Variants in PRKAR1B observed in about 807,000 individuals in gnomAD.
The protein encoded by PRKAR1B is cAMP-dependent protein kinase type I-beta regulatory subunit.
A neutral mutation model predicts 46.5 loss-of-function variants in PRKAR1B; 22 were observed. That is an observed-to-expected ratio of 0.47 (90% CI 0.34 to 0.68). The LOEUF (loss-of-function observed/expected upper bound fraction) is 0.68, where lower values mean the gene tolerates loss of function less well. PRKAR1B is among the 30% of genes least tolerant of loss of function. PRKAR1B has a pLI of 0.01. For synonymous variants in PRKAR1B, 259 were observed against 217.7 expected, an observed-to-expected ratio of 1.19 and a Z score of -1.67; for missense variants, 445 against 535.6, an observed-to-expected ratio of 0.83 and a Z score of 1.67.
chr7:568,593 A>G (rs1367579922), intron 9 of PRKAR1B, among the ~76,000 whole-genome samples: 1 of 152,104 alleles, frequency 6.6e-6, no homozygotes, highest in Non-Finnish European at 1.5e-5. Flanking sequence ...CACCCCCCAC[A>G]AGGGAGGGAA....
intron 4 of PRKAR1B, among the ~76,000 whole-genome samples, chr7:669,786 T>C (rs940192763): frequency 1.3e-5 from 2 of 150,524 alleles, no homozygotes; most frequent in Non-Finnish European, 3.0e-5. Flanking sequence ...AAGGTTAAAA[T>C]TGCAAACTTT....
intron 2 of PRKAR1B, among the ~76,000 whole-genome samples, chr7:692,162 G>A (rs904591553): frequency 2.0e-5 from 3 of 152,240 alleles, no homozygotes; most frequent in South Asian, 2.1e-4. Context: ...CACTTTGGGA[G>A]GCCAAGGCAG....
At chr7:596,373 A>AG in intron 6 of PRKAR1B, 69 bp from the exon 7 acceptor site, 1 of 1,539,634 alleles carries the variant, frequency 6.5e-7, no homozygotes, top group African/African-American at 1.4e-5. Flanking sequence ...TCCCATACAG[A>AG]AAGTCCCCCT....
In PRKAR1B at chr7:667,830, GA is replaced by G. The variant is rs1384787268; in HGVS notation, c.440+9398del. On this transcript the variant is annotated intron_variant, in intron 4 of 10. Transcript: ENST00000537384. The surrounding 1 kb of genome is among the most constrained non-coding windows in gnomAD (Gnocchi z 4.3). ...CACAGATCCTGTGCAAAGGCCCAGGGAAACCCTTCGATCAAGGCCAACTAGC... is the reference window on the plus strand; with the variant it reads ...CACAGATCCTGTGCAAAGGCCCAGGGAACCCTTCGATCAAGGCCAACTAGC... Among the ~76,000 whole-genome samples the G allele has an allele frequency of 6.6e-5, 10 of 152,152 alleles. No individual in the cohort carries two copies. In the East Asian group the frequency reaches 1.9e-3, roughly 29 times the overall value.
intron 4 of PRKAR1B, among the ~76,000 whole-genome samples, chr7:650,733 A>C (rs1316402843): frequency 6.6e-6 from 1 of 152,180 alleles, no homozygotes; most frequent in East Asian, 1.9e-4. Flanking sequence ...CAGAGAGGTC[A>C]TGTCATTTGC....
chr7:668,072 T>C (rs547606359), intron 4 of PRKAR1B, among the ~76,000 whole-genome samples: 1 of 152,298 alleles, frequency 6.6e-6, no homozygotes, highest in East Asian at 1.9e-4. Flanking sequence ...GGGATATCTG[T>C]CTTGAACCTG....
intron 7 of PRKAR1B, among the ~76,000 whole-genome samples, chr7:594,839 G>A (rs1476772493): frequency 6.6e-6 from 1 of 152,064 alleles, no homozygotes; most frequent in Non-Finnish European, 1.5e-5. Flanking sequence ...ACCATGAGGA[G>A]TCCCCCCCAG....
chr7:631,041 C>T (rs1247253112), intron 4 of PRKAR1B, among the ~76,000 whole-genome samples: 1 of 151,902 alleles, frequency 6.6e-6, no homozygotes, highest in Admixed American at 6.6e-5. Flanking sequence ...CAACCTCCAC[C>T]TCCTGGTTCA....
At position 684,502 on chromosome 7, in the gene PRKAR1B, T is replaced by C. The variant is rs1303360007; in HGVS notation, c.178-3776A>G. Among the ~76,000 whole-genome samples, 3 of 152,158 alleles carry C rather than the reference T, an allele frequency of 2.0e-5. No homozygotes were observed. The East Asian group carries it at 5.8e-4, about 29-fold the overall frequency. On this transcript the variant is annotated intron_variant, in intron 2 of 10. Coordinates refer to ENST00000537384, the MANE Select transcript of PRKAR1B (RefSeq NM_001164760.2). ...GATTTCTGGAAAACAGACAATGACC[T>C]GAAGCATGGAATTTGACATTCAGAC...
At chr7:706,615 C>A (rs1780342707) in intron 2 of PRKAR1B, among the ~76,000 whole-genome samples, 1 of 133,196 alleles carries the variant, frequency 7.5e-6, no homozygotes, top group Non-Finnish European at 1.6e-5. Flanking sequence ...TTAGTAGAGA[C>A]AGGGTTTCAC....
intron 2 of PRKAR1B, among the ~76,000 whole-genome samples, chr7:692,823 G>A (rs971471476): frequency 2.0e-5 from 3 of 152,172 alleles, no homozygotes; most frequent in African/African-American, 7.2e-5. Flanking sequence ...GACAGCCCTG[G>A]ACAGGGAAGG....
In PRKAR1B at chr7:681,982, T is replaced by C. The variant is rs1328455624; in HGVS notation, c.178-1256A>G. ...TCTGAGGACACACCGGGCCCTGAGCTGAGCCCCTTTCTCACTGCAATTCTG... is the reference window on the plus strand; with the variant it reads ...TCTGAGGACACACCGGGCCCTGAGCCGAGCCCCTTTCTCACTGCAATTCTG... On this transcript the variant is annotated intron_variant, in intron 2 of 10. Transcript: ENST00000537384. 2.0e-5 allele frequency among the ~76,000 whole-genome samples: 3 copies of C among 151,940 alleles called. No individual in the cohort carries two copies. In the East Asian group the frequency reaches 5.8e-4, roughly 29 times the overall value.
chr7:715,801 C>T (rs1049432656), intron 1 of PRKAR1B, among the ~76,000 whole-genome samples: 8 of 151,430 alleles, frequency 5.3e-5, no homozygotes, highest in East Asian at 3.9e-4. Flanking sequence ...CTGCAAGCTC[C>T]GCCTCCCGGG....
intron 4 of PRKAR1B, among the ~76,000 whole-genome samples, chr7:670,791 G>A (rs897124772): frequency 2.7e-5 from 4 of 149,560 alleles, no homozygotes; most frequent in African/African-American, 7.3e-5. Context: ...GCTCAGGACC[G>A]AAGACGGCCT....
At chr7:650,598 G>A (rs982658323) in intron 4 of PRKAR1B, among the ~76,000 whole-genome samples, 6 of 152,190 alleles carry the variant, frequency 3.9e-5, no homozygotes, top group East Asian at 3.9e-4. Flanking sequence ...ATTGCCACCC[G>A]AACAGCGTGG....
intron 4 of PRKAR1B, among the ~76,000 whole-genome samples, chr7:665,391 G>A (rs932816885): frequency 2.0e-5 from 3 of 152,242 alleles, no homozygotes; most frequent in Middle Eastern, 3.4e-3. Context: ...GCAGCCTCGG[G>A]GGCCACGGGG....
chr7:631,794 A>T (rs1156941718), intron 4 of PRKAR1B, among the ~76,000 whole-genome samples: 2 of 152,020 alleles, frequency 1.3e-5, no homozygotes, highest in Non-Finnish European at 2.9e-5. Flanking sequence ...CTCTAAAAAA[A>T]AAAAAATTGG....
intron 4 of PRKAR1B, among the ~76,000 whole-genome samples, chr7:634,898 C>T (rs1041692515): frequency 1.3e-5 from 2 of 152,124 alleles, no homozygotes; most frequent in African/African-American, 4.8e-5. Context: ...CCTCAGCCTC[C>T]CAAAGTGCTG....
chr7:551,486 G>C lies in PRKAR1B; in HGVS notation c.892-16C>G, dbSNP rs750254364. 1 of 1,551,196 alleles carries C rather than the reference G, an allele frequency of 6.4e-7. No homozygotes were observed. The highest frequency in any genetic ancestry group is 8.7e-7 in the Non-Finnish European group (1 of 1,147,428). The stretch of plus-strand genomic sequence containing the variant: ...ACGCGGTGCCCTGTGGGTGGAGGTG[G>C]ACAGACGTGAGTGCCAGCCAGGCGG... On this transcript the variant is annotated splice_polypyrimidine_tract_variant and intron_variant, in intron 9 of 10. Transcript: ENST00000537384.
Sources: gnomAD v4.1 joint callset for allele counts (sites outside exome capture counted in the v4.1 genomes callset) on GRCh38, gnomAD v4.1.1 for gene constraint, Gnocchi (gnomAD v3.1) non-coding constraint, MANE v1.5 for transcripts, NCBI Gene and HGNC (gene_info 2026-07-23, HGNC 2026-07-21) for gene names.